The following LRMDA variants were observed in gnomAD, a reference collection of about 807,000 sequenced individuals.
LRMDA encodes leucine-rich melanocyte differentiation-associated protein.
A neutral mutation model predicts 29.8 loss-of-function variants in LRMDA; 18 were observed. The observed-to-expected ratio is 0.60, with a 90% CI of 0.42 to 0.90. The LOEUF (loss-of-function observed/expected upper bound fraction) is 0.90. Among genes scored for constraint, LRMDA ranks in the 40% least tolerant of loss-of-function variants. The pLI is 0.00. For missense variants in LRMDA, 273 were observed against 273.9 expected, an observed-to-expected ratio of 1.00 and a Z score of 0.02; for synonymous variants, 125 against 109.4, an observed-to-expected ratio of 1.14 and a Z score of -0.89.
At chr10:75,486,425 A>G (rs1844913943) in intron 2 of LRMDA, among the ~76,000 whole-genome samples, 1 of 152,118 alleles carries the variant, frequency 6.6e-6, no homozygotes, top group African/African-American at 2.4e-5. Flanking sequence ...ATTCATTATT[A>G]TGCTAAGAAC....
At chr10:75,814,996 AC>A (rs1166519056) in intron 2 of LRMDA, among the ~76,000 whole-genome samples, 1 of 152,208 alleles carries the variant, frequency 6.6e-6, no homozygotes, top group African/African-American at 2.4e-5. Context: ...AAAAGCTTGT[AC>A]CCATTGGTTT....
At chr10:75,691,095 C>T (rs1486171865) in intron 2 of LRMDA, among the ~76,000 whole-genome samples, 15 of 62,986 alleles carry the variant, frequency 2.4e-4, no homozygotes, top group East Asian at 1.8e-3. Flanking sequence ...TATCTATGTA[C>T]ATAGATATAT....
intron 2 of LRMDA, among the ~76,000 whole-genome samples, chr10:75,823,516 G>A (rs751398311): frequency 4.6e-5 from 7 of 152,254 alleles, no homozygotes; most frequent in East Asian, 1.9e-4. Flanking sequence ...CTCATACACC[G>A]TTGGTGGGAA....
At chr10:75,512,104 C>T (rs1845232410) in intron 2 of LRMDA, among the ~76,000 whole-genome samples, 1 of 152,222 alleles carries the variant, frequency 6.6e-6, no homozygotes, top group Non-Finnish European at 1.5e-5. Flanking sequence ...ACATCATCTA[C>T]ACTTTCATCT....
At chr10:76,062,034 CTG>C (rs984699194) in intron 5 of LRMDA, among the ~76,000 whole-genome samples, 20 of 152,174 alleles carry the variant, frequency 1.3e-4, no homozygotes, top group African/African-American at 4.3e-4. Context: ...GCTTCCGTCT[CTG>C]TGTATATATA....
chr10:76,113,357 A>G (rs982129440), intron 5 of LRMDA, among the ~76,000 whole-genome samples: 1 of 152,044 alleles, frequency 6.6e-6, no homozygotes, highest in African/African-American at 2.4e-5. Flanking sequence ...GCATTTATTA[A>G]AACGACCTCT....
chr10:75,751,125 C>G (rs1420261185), intron 2 of LRMDA, among the ~76,000 whole-genome samples: 1 of 152,244 alleles, frequency 6.6e-6, no homozygotes, highest in South Asian at 2.1e-4. Flanking sequence ...ACCAGTCCGG[C>G]CAACACGGTG....
chr10:76,541,032 A>G (rs759259714), intron 6 of LRMDA, among the ~76,000 whole-genome samples: 1 of 152,220 alleles, frequency 6.6e-6, no homozygotes, highest in Non-Finnish European at 1.5e-5. Flanking sequence ...ATGTTTGACC[A>G]TGAAGGAAAT....
chr10:75,612,459 C>T (rs1452149092), intron 2 of LRMDA, among the ~76,000 whole-genome samples: 2 of 152,022 alleles, frequency 1.3e-5, no homozygotes, highest in African/African-American at 4.8e-5. Context: ...TTTTATAAGA[C>T]ATTAAACTTT....
chr10:75,888,738 A>T (rs1845433145), intron 2 of LRMDA, among the ~76,000 whole-genome samples: 1 of 152,214 alleles, frequency 6.6e-6, no homozygotes, highest in Admixed American at 6.5e-5. Flanking sequence ...GTCGTACTTC[A>T]AATGTACAAA....
At chr10:75,823,978 G>A (rs1844209171) in intron 2 of LRMDA, among the ~76,000 whole-genome samples, 1 of 152,020 alleles carries the variant, frequency 6.6e-6, no homozygotes, top group Non-Finnish European at 1.5e-5. Flanking sequence ...AATAGACACT[G>A]GAGACTTCAT....
intron 2 of LRMDA, among the ~76,000 whole-genome samples, chr10:75,567,540 G>A (rs1432714354): frequency 2.0e-5 from 3 of 152,194 alleles, no homozygotes; most frequent in Non-Finnish European, 4.4e-5. Flanking sequence ...AGGAAAATGT[G>A]TTAAGCACCA....
intron 6 of LRMDA, among the ~76,000 whole-genome samples, chr10:76,541,502 A>C (rs565575954): frequency 6.6e-6 from 1 of 152,322 alleles, no homozygotes; most frequent in East Asian, 1.9e-4. Flanking sequence ...CCATCTTAAA[A>C]AAGAGAAGGA....
chr10:75,711,092 T>C (rs1842430320), intron 2 of LRMDA, among the ~76,000 whole-genome samples: 1 of 152,252 alleles, frequency 6.6e-6, no homozygotes, highest in South Asian at 2.1e-4. Context: ...GAATGATGTA[T>C]TAAAACATCA....
At chr10:75,488,894 C>G (rs543413198) in intron 2 of LRMDA, among the ~76,000 whole-genome samples, 1 of 152,148 alleles carries the variant, frequency 6.6e-6, no homozygotes, top group East Asian at 1.9e-4. Flanking sequence ...CAAGAGCCCC[C>G]TTAACCCTCA....
intron 2 of LRMDA, among the ~76,000 whole-genome samples, chr10:75,626,902 T>C (rs1220746449): frequency 1.3e-5 from 2 of 152,180 alleles, no homozygotes; most frequent in Non-Finnish European, 2.9e-5. Flanking sequence ...GGGTGGACAT[T>C]CTAGTTGTTG....
chr10:76,254,340 C>CTATACT (rs1564701488), intron 5 of LRMDA, among the ~76,000 whole-genome samples: 18 of 90,200 alleles, frequency 2.0e-4, no homozygotes, highest in African/African-American at 6.1e-4. Context: ...CATACCATAC[C>CTATACT]ATCCTATCCT....
At chr10:76,532,305 A>G (rs1282066603) in intron 6 of LRMDA, among the ~76,000 whole-genome samples, 1 of 152,212 alleles carries the variant, frequency 6.6e-6, no homozygotes, top group East Asian at 1.9e-4. Context: ...TGTGGCCATC[A>G]CATAACCAAA....
chr10:76,290,995 G>A (rs1043471875), intron 5 of LRMDA, among the ~76,000 whole-genome samples: 1 of 152,178 alleles, frequency 6.6e-6, no homozygotes, highest in African/African-American at 2.4e-5. Flanking sequence ...AAAGAAGAGC[G>A]AGTACCATGA....
Sources: allele counts gnomAD v4.1 joint callset (sites outside exome capture counted in the v4.1 genomes callset), GRCh38; gene constraint gnomAD v4.1.1; transcripts MANE v1.5; gene names NCBI Gene and HGNC (gene_info 2026-07-23, HGNC 2026-07-21).